CSMD1: variants seen among roughly 807,000 people sequenced by gnomAD.
The protein encoded by CSMD1 is CUB and Sushi multiple domains 1, also known as CUB and sushi domain-containing protein 1.
In CSMD1, 213 loss-of-function variants were observed where a neutral mutation model predicts 417.5. That is an observed-to-expected ratio of 0.51 (90% confidence interval 0.46 to 0.57). The LOEUF (loss-of-function observed/expected upper bound fraction) is 0.57, where lower values mean the gene tolerates loss of function less well. Ranked by LOEUF, CSMD1 falls within the 20% of genes least tolerant of loss-of-function variation. CSMD1 has a pLI of 0.00. For synonymous variants in CSMD1, 2,862 were observed against 1,736.8 expected (o/e 1.65, Z -16.11); for missense variants, 6,923 against 4,529.7 (o/e 1.53, Z -15.17).
chr8:3,492,212 T>G (rs943925815), intron 11 of CSMD1, among the ~76,000 whole-genome samples: 3 of 152,064 alleles, frequency 2.0e-5, no homozygotes, highest in African/African-American at 7.2e-5. Context: ...ATTGCTTCAG[T>G]GGAGTGTTAT....
At chr8:4,273,229 A>G (rs974758967) in intron 3 of CSMD1, among the ~76,000 whole-genome samples, 1 of 152,186 alleles carries the variant, frequency 6.6e-6, no homozygotes, top group Non-Finnish European at 1.5e-5. Context: ...TTTCTCATAA[A>G]ATATAACTTA....
intron 3 of CSMD1, among the ~76,000 whole-genome samples, chr8:4,090,599 T>A (rs1014068948): frequency 7.9e-5 from 12 of 152,226 alleles, no homozygotes; most frequent in African/African-American, 2.9e-4. Context: ...GACCTTCAAG[T>A]GTGATACACG....
At chr8:4,387,039 G>GAT (rs920246728) in intron 3 of CSMD1, among the ~76,000 whole-genome samples, 2 of 152,136 alleles carry the variant, frequency 1.3e-5, no homozygotes, top group Admixed American at 6.6e-5. Context: ...ATACATGGGG[G>GAT]ATATCCAGAT....
chr8:4,588,414 C>G (rs1402111635), intron 2 of CSMD1, among the ~76,000 whole-genome samples: 1 of 108,388 alleles, frequency 9.2e-6, no homozygotes, highest in Non-Finnish European at 2.0e-5. Context: ...AGATAAAGAA[C>G]TATCTCTTCC....
At chr8:3,978,322 T>C (rs756346672) in intron 5 of CSMD1, among the ~76,000 whole-genome samples, 10 of 152,222 alleles carry the variant, frequency 6.6e-5, no homozygotes, top group Admixed American at 2.0e-4. Context: ...TGTTCCCACA[T>C]GGCTCTCTTT....
At chr8:3,364,417 G>A (rs17065934) in intron 20 of CSMD1, among the ~76,000 whole-genome samples, 38,904 of 152,046 alleles carry the variant, frequency 0.26, 5,038 homozygotes, top group East Asian at 0.33. Context: ...GAATTGTTCT[G>A]AATGTTTACA....
intron 49 of CSMD1, among the ~76,000 whole-genome samples, chr8:3,074,439 C>G (rs1813504985): frequency 6.6e-6 from 1 of 152,236 alleles, no homozygotes; most frequent in Non-Finnish European, 1.5e-5. Flanking sequence ...GTCACCCCAC[C>G]TCCTCTTAGG....
intron 12 of CSMD1, among the ~76,000 whole-genome samples, chr8:3,452,721 G>C (rs547334028): frequency 6.6e-6 from 1 of 152,206 alleles, no homozygotes; most frequent in Non-Finnish European, 1.5e-5. Context: ...TGGTGTGCCA[G>C]TATTTTATTG....
chr8:3,383,414 C>T (rs939782700), intron 18 of CSMD1, among the ~76,000 whole-genome samples: 3 of 151,956 alleles, frequency 2.0e-5, no homozygotes, highest in African/African-American at 7.3e-5. Context: ...TTCTTCCACA[C>T]TAGAAAAACC....
intron 1 of CSMD1, among the ~76,000 whole-genome samples, chr8:4,687,263 G>C (rs985421393): frequency 6.6e-6 from 1 of 152,234 alleles, no homozygotes; most frequent in South Asian, 2.1e-4. Context: ...GGCACTATCA[G>C]ATGAAGGAGG....
chr8:4,332,560 C>G (rs1249295813), intron 3 of CSMD1, among the ~76,000 whole-genome samples: 1 of 34,514 alleles, frequency 2.9e-5, no homozygotes, highest in Admixed American at 1.7e-4. Flanking sequence ...CATACACACA[C>G]ACACACACAC....
intron 37 of CSMD1, among the ~76,000 whole-genome samples, chr8:3,180,366 T>A (rs188261462): frequency 1.3e-5 from 2 of 152,356 alleles, no homozygotes; most frequent in South Asian, 2.1e-4. Context: ...AACAGCTCTC[T>A]ACTCGTTCTT....
In CSMD1 at chr8:4,193,646, G is replaced by A. The variant is rs952404427; in HGVS notation, c.416-161547C>T. Among the ~76,000 whole-genome samples the A allele has an allele frequency of 5.3e-5, 8 of 152,240 alleles. No individual in the cohort carries two copies. In the South Asian group the frequency reaches 1.5e-3, roughly 28 times the overall value. ...AGTGTGCTGTCAAGGGAGGCCCAGT[G>A]TTTAGTATTTACCCAAACACGGCAA... On this transcript the variant is annotated intron_variant, in intron 3 of 69. Coordinates refer to ENST00000635120, the MANE Select transcript of CSMD1 (RefSeq NM_033225.6).
intron 2 of CSMD1, among the ~76,000 whole-genome samples, chr8:4,592,184 G>T (rs1017019585): frequency 6.6e-6 from 1 of 151,322 alleles, no homozygotes; most frequent in Non-Finnish European, 1.5e-5. Context: ...TCTCAGGGTA[G>T]ATTTCATGCT....
At chr8:4,401,966 C>A (rs1013545862) in intron 3 of CSMD1, among the ~76,000 whole-genome samples, 3 of 152,098 alleles carry the variant, frequency 2.0e-5, no homozygotes, top group Non-Finnish European at 4.4e-5. Flanking sequence ...TACACTGGCT[C>A]CTTGAAAATT....
At chr8:3,896,122 C>T (rs1807344086) in intron 5 of CSMD1, among the ~76,000 whole-genome samples, 1 of 152,104 alleles carries the variant, frequency 6.6e-6, no homozygotes, top group African/African-American at 2.4e-5. Context: ...ATTCTTGGGG[C>T]TTGAGTAACA....
intron 3 of CSMD1, among the ~76,000 whole-genome samples, chr8:4,311,840 G>A (rs868168437): frequency 3.3e-5 from 5 of 151,948 alleles, no homozygotes; most frequent in Non-Finnish European, 5.9e-5. Context: ...GGAGAGGAGC[G>A]GAAAAGATCA....
At chr8:3,848,877 C>A (rs73658302) in intron 5 of CSMD1, among the ~76,000 whole-genome samples, 1 of 150,998 alleles carries the variant, frequency 6.6e-6, no homozygotes, top group Non-Finnish European at 1.5e-5. Flanking sequence ...TCCAGAAATG[C>A]TAAAGAGTGA....
At position 3,574,432 on chromosome 8, in the gene CSMD1, G is replaced by C. The variant is rs1294428644; in HGVS notation, c.1344+513C>G. Among the ~76,000 whole-genome samples, 7 of 152,106 alleles carry C rather than the reference G, an allele frequency of 4.6e-5. No individual in the cohort carries two copies. The South Asian group carries it at 8.3e-4, about 18-fold the overall frequency. On this transcript the variant is annotated intron_variant, in intron 10 of 69. Transcript: ENST00000635120. ...ATTTTTGTTCGTATTTTTTAGTAGA[G>C]ATGGGGTTTCACCATGTTGGCCAGA...
Sources: gnomAD v4.1 joint callset for allele counts (sites outside exome capture counted in the v4.1 genomes callset) on GRCh38, gnomAD v4.1.1 for gene constraint, MANE v1.5 for transcripts, NCBI Gene and HGNC (gene_info 2026-07-23, HGNC 2026-07-21) for gene names.